Variants in FRMPD4 observed in about 807,000 individuals in gnomAD.
FRMPD4 encodes FERM and PDZ domain containing 4.
A neutral mutation model predicts 94.1 loss-of-function variants in FRMPD4; 22 were observed. The ratio of observed to expected loss-of-function variants is 0.23; its 90% CI spans 0.17 to 0.33. The LOEUF (loss-of-function observed/expected upper bound fraction) is 0.33, where lower values mean the gene tolerates loss of function less well. Among genes scored for constraint, FRMPD4 ranks in the 10% least tolerant of loss-of-function variants. The probability of loss-of-function intolerance (pLI) is 1.00; values close to 1 mark genes in which losing one functional copy is unlikely to be tolerated. For missense variants in FRMPD4, 1,111 were observed against 1,339.9 expected (o/e 0.83, Z 2.67); for synonymous variants, 631 against 548.6 (o/e 1.15, Z -2.10).
intron 1 of FRMPD4, among the ~76,000 whole-genome samples, chrX:12,479,353 T>TAC (rs1408660361): frequency 8.4e-4 from 8 of 9,557 alleles, no homozygotes; most frequent in Admixed American, 3.6e-3. Context: ...TGTATATATA[T>TAC]ATACACACAC....
intron 1 of FRMPD4, among the ~76,000 whole-genome samples, chrX:12,276,691 C>T (rs1223202995): frequency 9.0e-6 from 1 of 111,447 alleles, no homozygotes; most frequent in East Asian, 2.8e-4. Context: ...GTTCCCCATT[C>T]CCATCATGGC....
intron 3 of FRMPD4, among the ~76,000 whole-genome samples, chrX:11,933,651 C>T (rs1362382095): frequency 8.9e-6 from 1 of 112,659 alleles, no homozygotes; most frequent in Non-Finnish European, 1.9e-5. Context: ...CAGGAGCCAA[C>T]TGTACTCATT....
At chrX:11,978,080 T>C (rs1322421009) in intron 3 of FRMPD4, among the ~76,000 whole-genome samples, 1 of 109,256 alleles carries the variant, frequency 9.2e-6, no homozygotes, top group Non-Finnish European at 1.9e-5. Flanking sequence ...CCCAGCACTT[T>C]GGTAGGCCGA....
At chrX:12,569,036 T>C (rs1214444196) in intron 2 of FRMPD4, among the ~76,000 whole-genome samples, 2 of 110,840 alleles carry the variant, frequency 1.8e-5, no homozygotes, top group Non-Finnish European at 3.8e-5. Flanking sequence ...ATTACTAGAG[T>C]AGGTTGCTAT....
rs2058922877 is a variant in FRMPD4 at position 12,585,798 on chromosome X, T to G, written c.159-23923T>G. On this transcript the variant is annotated intron_variant, in intron 2 of 16. Transcript: ENST00000675598. ...GTGTAAACTACATGTAAGATTTTGA[T>G]GACATTAATACCAAAAAATTAAATA... Among the ~76,000 whole-genome samples the G allele has an allele frequency of 2.7e-5, 3 of 112,175 alleles. No individual in the cohort carries two copies. In the Admixed American group the frequency reaches 2.8e-4, roughly 11 times the overall value.
chrX:12,376,799 G>A (rs187951534), intron 1 of FRMPD4, among the ~76,000 whole-genome samples: 1 of 112,856 alleles, frequency 8.9e-6, no homozygotes, highest in Non-Finnish European at 1.9e-5. Context: ...TATGAGTTTG[G>A]TTAGTGTAAC....
intron 9 of FRMPD4, among the ~76,000 whole-genome samples, chrX:12,701,273 A>G (rs2060188291): frequency 9.1e-6 from 1 of 109,309 alleles, no homozygotes; most frequent in Admixed American, 9.8e-5. Context: ...GGATTTCGCC[A>G]TGTTGCCCAG....
intron 4 of FRMPD4, among the ~76,000 whole-genome samples, chrX:12,649,231 G>A (rs775901916): frequency 2.7e-5 from 3 of 111,945 alleles, no homozygotes; most frequent in Admixed American, 9.4e-5. Flanking sequence ...CGTGCGTGGG[G>A]ACAGAGAGAG....
intron 1 of FRMPD4, among the ~76,000 whole-genome samples, chrX:12,465,183 C>T (rs2057436135): frequency 9.0e-6 from 1 of 111,716 alleles, no homozygotes; most frequent in South Asian, 3.8e-4. Flanking sequence ...CAACACTGTC[C>T]TGTACTCAAA....
chrX:12,287,121 G>A (rs192441922), intron 1 of FRMPD4, among the ~76,000 whole-genome samples: 7 of 112,430 alleles, frequency 6.2e-5, no homozygotes, highest in Non-Finnish European at 9.4e-5. Flanking sequence ...TAGATGTTAG[G>A]AATGCATTGA....
At position 12,268,692 on chromosome X, in the gene FRMPD4, C is replaced by G. The variant is rs72612877; in HGVS notation, c.41+129680C>G. ...GACAAGAGCAGGACATCATTAGTTCCATAGGGTGCACAGCCTTCTGCAAAG... is the reference window on the plus strand; with the variant it reads ...GACAAGAGCAGGACATCATTAGTTCGATAGGGTGCACAGCCTTCTGCAAAG... On this transcript the variant is annotated intron_variant, in intron 1 of 16. Coordinates refer to ENST00000675598, the MANE Select transcript of FRMPD4 (RefSeq NM_001368397.1). 3.2e-4 allele frequency among the ~76,000 whole-genome samples: 36 copies of G among 112,189 alleles called. 2 individuals carry two copies. The East Asian group carries it at 8.9e-3, about 28-fold the overall frequency.
At chrX:12,042,953 A>G (rs1044637234) in intron 3 of FRMPD4, among the ~76,000 whole-genome samples, 4 of 112,014 alleles carry the variant, frequency 3.6e-5, no homozygotes, top group African/African-American at 1.3e-4. Flanking sequence ...TAGTCTAGAC[A>G]TATACCCTTA....
intron 1 of FRMPD4, among the ~76,000 whole-genome samples, chrX:12,204,224 C>T (rs201844656): frequency 2.7e-5 from 3 of 112,373 alleles, no homozygotes; most frequent in East Asian, 5.6e-4. Flanking sequence ...TACGCTACAT[C>T]GTGCAATGCA....
intron 3 of FRMPD4, among the ~76,000 whole-genome samples, chrX:12,010,362 T>G (rs959136292): frequency 2.1e-4 from 24 of 112,438 alleles, no homozygotes; most frequent in Non-Finnish European, 7.5e-5. Flanking sequence ...CTTAAAATAC[T>G]TATGATGTTA....
At chrX:11,887,253 A>G (rs901491053) in intron 3 of FRMPD4, among the ~76,000 whole-genome samples, 2 of 111,872 alleles carry the variant, frequency 1.8e-5, no homozygotes, top group African/African-American at 6.5e-5. Context: ...GCTTGTATGC[A>G]TTGACATTCA....
chrX:11,961,385 G>A (rs1378059342), intron 3 of FRMPD4, among the ~76,000 whole-genome samples: 2 of 112,179 alleles, frequency 1.8e-5, no homozygotes, highest in Admixed American at 1.9e-4. Context: ...TCCTCACTTG[G>A]CAGGGATGGA....
chrX:12,370,421 C>G (rs1436244439), intron 1 of FRMPD4, among the ~76,000 whole-genome samples: 1 of 112,536 alleles, frequency 8.9e-6, no homozygotes, highest in African/African-American at 3.2e-5. Context: ...CTATTTCACC[C>G]AGGAGGCTCA....
At chrX:12,383,222 G>GCA (rs2056351583) in intron 1 of FRMPD4, among the ~76,000 whole-genome samples, 1 of 112,288 alleles carries the variant, frequency 8.9e-6, no homozygotes, top group Non-Finnish European at 1.9e-5. Flanking sequence ...CTCACTTAGA[G>GCA]CATAGCACAT....
chrX:12,341,028 A>G (rs1800176710), intron 1 of FRMPD4, among the ~76,000 whole-genome samples: 1 of 112,088 alleles, frequency 8.9e-6, no homozygotes, highest in African/African-American at 3.2e-5. Flanking sequence ...CACTTTATTT[A>G]TAAACTTCAG....
Sources: gnomAD v4.1 joint callset for allele counts (sites outside exome capture counted in the v4.1 genomes callset) on GRCh38, gnomAD v4.1.1 for gene constraint, MANE v1.5 for transcripts, NCBI Gene and HGNC (gene_info 2026-07-23, HGNC 2026-07-21) for gene names.